DTNA: variants seen among roughly 807,000 people sequenced by gnomAD.
The protein encoded by DTNA is dystrophin-related protein 3.
DTNA carries 43 observed loss-of-function variants against 100.7 expected under a neutral mutation model. That is an observed-to-expected ratio of 0.43 (90% CI 0.33 to 0.55). The LOEUF is 0.55. DTNA is among the 20% of genes least tolerant of loss of function. DTNA has a pLI of 0.04. For missense variants in DTNA, 798 were observed against 953.9 expected (o/e 0.84, Z 2.15); for synonymous variants, 349 against 347.9 (o/e 1.00, Z -0.04).
At chr18:34,774,883 C>G (rs933551689) in intron 3 of DTNA, among the ~76,000 whole-genome samples, 2 of 152,204 alleles carry the variant, frequency 1.3e-5, no homozygotes, top group Non-Finnish European at 2.9e-5. Context: ...TCTTTGACCT[C>G]TTATCTCAAC....
intron 1 of DTNA, among the ~76,000 whole-genome samples, chr18:34,721,376 G>C (rs1248750839): frequency 6.6e-6 from 1 of 152,086 alleles, no homozygotes; most frequent in Non-Finnish European, 1.5e-5. Flanking sequence ...AGTGTTAACT[G>C]CTTGATTATT....
chr18:34,719,574 G>A (rs1398175971), intron 1 of DTNA, among the ~76,000 whole-genome samples: 3 of 152,038 alleles, frequency 2.0e-5, no homozygotes, highest in Non-Finnish European at 2.9e-5. Context: ...TTTATAATAT[G>A]TACAGAGATG....
At chr18:34,681,939 C>A (rs1185747345) in intron 1 of DTNA, among the ~76,000 whole-genome samples, 1 of 152,112 alleles carries the variant, frequency 6.6e-6, no homozygotes, top group Non-Finnish European at 1.5e-5. Context: ...ACTGCCCTAA[C>A]AATCCTCTGT....
At chr18:34,719,802 G>C (rs1035923430) in intron 1 of DTNA, among the ~76,000 whole-genome samples, 2 of 152,108 alleles carry the variant, frequency 1.3e-5, no homozygotes, top group East Asian at 3.8e-4. Flanking sequence ...CTTATAAATT[G>C]GAGAAACTCT....
At chr18:34,619,208 G>A (rs916518870) in intron 1 of DTNA, among the ~76,000 whole-genome samples, 3 of 152,172 alleles carry the variant, frequency 2.0e-5, no homozygotes, top group Non-Finnish European at 4.4e-5. Flanking sequence ...GAGTGGTACA[G>A]AATAAGACTG....
At chr18:34,668,986 A>G (rs1190408294) in intron 1 of DTNA, among the ~76,000 whole-genome samples, 2 of 152,034 alleles carry the variant, frequency 1.3e-5, no homozygotes, top group Non-Finnish European at 2.9e-5. Context: ...ATCCTTGTTA[A>G]CTTTCTGTCT....
chr18:34,696,502 C>T (rs1014761558), intron 1 of DTNA, among the ~76,000 whole-genome samples: 19 of 152,210 alleles, frequency 1.2e-4, no homozygotes, highest in African/African-American at 3.1e-4. Flanking sequence ...CACTTGAACC[C>T]GGGAGGTGGA....
At chr18:34,723,225 A>G (rs985501640) in intron 1 of DTNA, among the ~76,000 whole-genome samples, 2 of 152,216 alleles carry the variant, frequency 1.3e-5, no homozygotes, top group Non-Finnish European at 2.9e-5. Flanking sequence ...CTGTATAAGT[A>G]ATAGCTAACA....
intron 1 of DTNA, among the ~76,000 whole-genome samples, chr18:34,495,617 G>T (rs2039108386): frequency 6.6e-6 from 1 of 152,152 alleles, no homozygotes. Context: ...AAGAAGAATT[G>T]TGCAATTCTC....
At chr18:34,749,366 T>C (rs555472011) in intron 1 of DTNA, among the ~76,000 whole-genome samples, 73 of 152,200 alleles carry the variant, frequency 4.8e-4, no homozygotes, top group Admixed American at 7.9e-4. Flanking sequence ...TGAATAGAAG[T>C]GGTGAAAGTG....
chr18:34,585,688 T>C (rs978458789), intron 1 of DTNA, among the ~76,000 whole-genome samples: 40 of 152,150 alleles, frequency 2.6e-4, no homozygotes, highest in African/African-American at 9.2e-4. Flanking sequence ...TTATCTCCCA[T>C]AGTAGGAGGC....
intron 13 of DTNA, among the ~76,000 whole-genome samples, chr18:34,846,484 A>C (rs763348526): frequency 2.7e-4 from 41 of 152,222 alleles, no homozygotes; most frequent in Admixed American, 7.9e-4. Context: ...TTTTCTGAGG[A>C]GGGAGAAATC....
intron 1 of DTNA, among the ~76,000 whole-genome samples, chr18:34,695,442 G>T (rs1308769138): frequency 2.6e-5 from 4 of 152,146 alleles, no homozygotes; most frequent in African/African-American, 9.7e-5. Context: ...CATACCTGGG[G>T]CTCGTGTGTA....
In DTNA at chr18:34,732,983, A is replaced by G. The variant is rs945745396; in HGVS notation, c.-2+22538A>G. Among the ~76,000 whole-genome samples the G allele has an allele frequency of 4.6e-5, 7 of 152,324 alleles. No individual in the cohort carries two copies. The South Asian group carries it at 8.3e-4, about 18-fold the overall frequency. On this transcript the variant is annotated intron_variant, in intron 1 of 22. Transcript: ENST00000444659. ...AAACTCCATTAATTACCTGACCTCC[A>G]TAAGTCCCTATTTTAACTGGAGGAC...
intron 1 of DTNA, among the ~76,000 whole-genome samples, chr18:34,498,442 TATAATA>T (rs58997432): frequency 0.13 from 18,015 of 141,710 alleles, 1,685 homozygotes; most frequent in African/African-American, 0.26. Context: ...CAGAAAATAA[TATAATA>T]ATAATAATAA....
chr18:34,637,659 A>G (rs2058806612), intron 1 of DTNA, among the ~76,000 whole-genome samples: 1 of 152,278 alleles, frequency 6.6e-6, no homozygotes, highest in Middle Eastern at 3.4e-3. Flanking sequence ...ACCTGGACCT[A>G]TTGATTTGGG....
chr18:34,620,424 T>C (rs905643120), intron 1 of DTNA, among the ~76,000 whole-genome samples: 2 of 152,178 alleles, frequency 1.3e-5, no homozygotes, highest in Non-Finnish European at 1.5e-5. Context: ...TTACAGAGAA[T>C]GAAGAGAAGA....
intron 1 of DTNA, among the ~76,000 whole-genome samples, chr18:34,500,151 G>A (rs910099278): frequency 3.9e-5 from 6 of 152,030 alleles, no homozygotes; most frequent in Non-Finnish European, 8.8e-5. Context: ...CTGCTTAGCA[G>A]TTTAAGGATA....
At chr18:34,868,635 A>G in intron 17 of DTNA, 1 of 985,436 alleles carries the variant, frequency 1.0e-6, no homozygotes. Context: ...TGTGTGGTTC[A>G]ATGTAGTGTT....
Sources: allele counts gnomAD v4.1 joint callset (sites outside exome capture counted in the v4.1 genomes callset), GRCh38; gene constraint gnomAD v4.1.1; transcripts MANE v1.5; gene names NCBI Gene and HGNC (gene_info 2026-07-23, HGNC 2026-07-21).